Variants in ABLIM1 observed in about 807,000 individuals in gnomAD.
The protein encoded by ABLIM1 is actin-binding LIM protein 1.
A neutral mutation model predicts 107.0 loss-of-function variants in ABLIM1; 40 were observed. The observed-to-expected ratio is 0.37, with a 90% CI of 0.29 to 0.49. The LOEUF (loss-of-function observed/expected upper bound fraction) is 0.49, where lower values mean the gene tolerates loss of function less well. Among genes scored for constraint, ABLIM1 ranks in the 20% least tolerant of loss-of-function variants. The pLI, the probability that ABLIM1 is intolerant of heterozygous loss-of-function variation, is 0.97. For synonymous variants in ABLIM1, 357 were observed against 357.3 expected, an observed-to-expected ratio of 1.00 and a Z score of 0.01; for missense variants, 857 against 1,008.5, an observed-to-expected ratio of 0.85 and a Z score of 2.04.
At chr10:114,681,966 T>C (rs1421704873) in intron 1 of ABLIM1, among the ~76,000 whole-genome samples, 1 of 152,206 alleles carries the variant, frequency 6.6e-6, no homozygotes, top group Non-Finnish European at 1.5e-5. Context: ...CTGTCTGGCA[T>C]TTCCATTCTC....
chr10:114,676,409 G>A (rs569144531), intron 1 of ABLIM1, among the ~76,000 whole-genome samples: 3 of 152,034 alleles, frequency 2.0e-5, no homozygotes, highest in Admixed American at 6.5e-5. Context: ...CCCGGGAAGC[G>A]GAGATTGCAG....
At chr10:114,739,636 TATC>T (rs2082248181) in intron 1 of ABLIM1, among the ~76,000 whole-genome samples, 1 of 152,220 alleles carries the variant, frequency 6.6e-6, no homozygotes, top group African/African-American at 2.4e-5. Flanking sequence ...GCATTGCTTT[TATC>T]ATGATTTCTT....
intron 1 of ABLIM1, among the ~76,000 whole-genome samples, chr10:114,748,314 A>G (rs1198020781): frequency 6.6e-6 from 1 of 152,234 alleles, no homozygotes; most frequent in Non-Finnish European, 1.5e-5. Flanking sequence ...GAAATTAGAT[A>G]CCATCTGCGG....
At chr10:114,461,235 T>G (rs889808320) in intron 12 of ABLIM1, among the ~76,000 whole-genome samples, 1 of 151,954 alleles carries the variant, frequency 6.6e-6, no homozygotes, top group Non-Finnish European at 1.5e-5. Context: ...GCTAATTTTT[T>G]TTTGTATTTT....
intron 1 of ABLIM1, among the ~76,000 whole-genome samples, chr10:114,721,409 C>T (rs923079937): frequency 2.4e-4 from 36 of 152,168 alleles, no homozygotes; most frequent in African/African-American, 8.2e-4. Flanking sequence ...CCCTGCTGTT[C>T]CCAGACATAT....
At chr10:114,667,504 ATT>A (rs538778934) in intron 1 of ABLIM1, among the ~76,000 whole-genome samples, 1 of 152,186 alleles carries the variant, frequency 6.6e-6, no homozygotes, top group African/African-American at 2.4e-5. Flanking sequence ...CCTTGAATTA[ATT>A]TTTTGTTTCT....
intron 1 of ABLIM1, among the ~76,000 whole-genome samples, chr10:114,767,827 C>G (rs2082937888): frequency 6.6e-6 from 1 of 152,174 alleles, no homozygotes; most frequent in Non-Finnish European, 1.5e-5. Flanking sequence ...GCGGCGGGCA[C>G]AGGTGAGCGG....
intron 5 of ABLIM1, among the ~76,000 whole-genome samples, chr10:114,546,785 T>C (rs1227799895): frequency 6.6e-6 from 1 of 152,164 alleles, no homozygotes; most frequent in Non-Finnish European, 1.5e-5. Flanking sequence ...AATGAATTTA[T>C]TTGTTTATTT....
chr10:114,721,613 C>T (rs1000966418), intron 1 of ABLIM1, among the ~76,000 whole-genome samples: 2 of 152,094 alleles, frequency 1.3e-5, no homozygotes, highest in Non-Finnish European at 2.9e-5. Flanking sequence ...TCCCGAGTAG[C>T]TGAGATTACA....
chr10:114,764,274 C>T (rs1261778608), intron 1 of ABLIM1, among the ~76,000 whole-genome samples: 1 of 152,166 alleles, frequency 6.6e-6, no homozygotes, highest in Non-Finnish European at 1.5e-5. Context: ...TTAAAGAATG[C>T]TTTTAATTGT....
intron 12 of ABLIM1, among the ~76,000 whole-genome samples, chr10:114,462,869 T>C (rs1335545391): frequency 1.3e-5 from 2 of 152,138 alleles, no homozygotes; most frequent in Admixed American, 6.5e-5. Flanking sequence ...TTTCTCCCAA[T>C]GAGAGATGCT....
At chr10:114,712,387 T>C (rs1156231034) in intron 1 of ABLIM1, among the ~76,000 whole-genome samples, 4 of 136,276 alleles carry the variant, frequency 2.9e-5, no homozygotes, top group Non-Finnish European at 4.7e-5. Flanking sequence ...AGTACATGAA[T>C]GCTATAATTA....
intron 6 of ABLIM1, among the ~76,000 whole-genome samples, chr10:114,517,693 T>G (rs1055833286): frequency 6.6e-6 from 1 of 152,154 alleles, no homozygotes; most frequent in Non-Finnish European, 1.5e-5. Flanking sequence ...AACTTGGGAT[T>G]TTTAGGATTT....
At chr10:114,620,180 G>A (rs1048733855) in intron 1 of ABLIM1, among the ~76,000 whole-genome samples, 11 of 152,108 alleles carry the variant, frequency 7.2e-5, no homozygotes, top group African/African-American at 1.4e-4. Context: ...GATCATCACC[G>A]GCATACTTAA....
At chr10:114,716,958 A>G (rs1358360122) in intron 1 of ABLIM1, among the ~76,000 whole-genome samples, 1 of 152,164 alleles carries the variant, frequency 6.6e-6, no homozygotes, top group Non-Finnish European at 1.5e-5. Context: ...TTTACCATAA[A>G]GTCAAGTGTA....
intron 4 of ABLIM1, among the ~76,000 whole-genome samples, chr10:114,565,068 T>C (rs1029053897): frequency 3.9e-5 from 6 of 152,230 alleles, no homozygotes. Context: ...ATCCTTTAAG[T>C]GCTAGAGCTG....
At chr10:114,468,631 A>G (rs2065769234) in intron 10 of ABLIM1, among the ~76,000 whole-genome samples, 1 of 152,110 alleles carries the variant, frequency 6.6e-6, no homozygotes, top group African/African-American at 2.4e-5. Flanking sequence ...ATTAGCCAAC[A>G]TGTACCTGCC....
chr10:114,633,541 C>T (rs2140792561), intron 1 of ABLIM1, among the ~76,000 whole-genome samples: 1 of 152,290 alleles, frequency 6.6e-6, no homozygotes, highest in South Asian at 2.1e-4. Context: ...CCACACCACT[C>T]CCCGCACCCA....
At chr10:114,703,825 G>T (rs771264404) in intron 1 of ABLIM1, among the ~76,000 whole-genome samples, 2 of 152,156 alleles carry the variant, frequency 1.3e-5, no homozygotes, top group Non-Finnish European at 2.9e-5. Flanking sequence ...AGAGGCTGGG[G>T]GCACAGAACA....
Sources: allele counts gnomAD v4.1 joint callset (sites outside exome capture counted in the v4.1 genomes callset), GRCh38; gene constraint gnomAD v4.1.1; transcripts MANE v1.5; gene names NCBI Gene and HGNC (gene_info 2026-07-23, HGNC 2026-07-21).